Variants in CLMP observed in about 807,000 individuals in gnomAD.
CLMP encodes CXADR-like membrane protein.
CLMP carries 27 observed loss-of-function variants against 45.2 expected under a neutral mutation model. The ratio of observed to expected loss-of-function variants is 0.60; its 90% confidence interval spans 0.44 to 0.82. CLMP has a LOEUF of 0.82. Among genes scored for constraint, CLMP ranks in the 40% least tolerant of loss-of-function variants. CLMP has a pLI of 0.00. For synonymous variants in CLMP, 167 were observed against 171.4 expected (o/e 0.97, Z 0.20); for missense variants, 403 against 448.4 (o/e 0.90, Z 0.91).
chr11:123,156,047 A>G (rs1350678123), intron 1 of CLMP, among the ~76,000 whole-genome samples: 1 of 152,160 alleles, frequency 6.6e-6, no homozygotes, highest in African/African-American at 2.4e-5. Flanking sequence ...ATGTGGCTAT[A>G]TTTGGAGATG....
intron 1 of CLMP, among the ~76,000 whole-genome samples, chr11:123,194,631 TC>T (rs1861954132): frequency 6.6e-6 from 1 of 152,152 alleles, no homozygotes; most frequent in African/African-American, 2.4e-5. Context: ...TCTCCACTTT[TC>T]CCAGATACAC....
chr11:123,118,939 TTC>T (rs1424893892), intron 1 of CLMP, among the ~76,000 whole-genome samples: 6 of 14,418 alleles, frequency 4.2e-4, no homozygotes, highest in South Asian at 6.6e-3. Context: ...TTTTCTTTCT[TTC>T]TTTCTTTCTT....
At chr11:123,078,294 C>G (rs562252013) in intron 5 of CLMP, among the ~76,000 whole-genome samples, 1 of 151,976 alleles carries the variant, frequency 6.6e-6, no homozygotes, top group African/African-American at 2.4e-5. Context: ...CATACTCTAG[C>G]TATAAGCAAC....
At chr11:123,105,484 G>T (rs1860530939) in intron 1 of CLMP, among the ~76,000 whole-genome samples, 1 of 150,242 alleles carries the variant, frequency 6.7e-6, no homozygotes, top group South Asian at 2.1e-4. Context: ...AGGCTGGAGT[G>T]CAGTGGCACA....
intron 1 of CLMP, among the ~76,000 whole-genome samples, chr11:123,150,480 A>AAAGGAAGAAAGG (rs1861308107): frequency 2.4e-5 from 1 of 40,962 alleles, no homozygotes; most frequent in Admixed American, 2.7e-4. Context: ...AGAAAGAAAG[A>AAAGGAAGAAAGG]AAGGAAGGAA....
rs59307398 is a variant in CLMP, at chr11:123,152,523, AAAATAAAT to A, written c.28+42382_28+42389del. 5.4e-3 allele frequency among the ~76,000 whole-genome samples: 776 copies of A among 142,786 alleles called. 7 individuals are homozygous for A. The highest frequency in any genetic ancestry group is 0.05 in the East Asian group (248 of 5,002). The allele number at this position is 142,786 out of a possible 152,430, so 93.7% of individuals were successfully genotyped here. ...GGATGACAGAGTGAGACTCCATCTCAAAATAAATAAATAAATAAATAAATAAATAAATA... is the reference window on the plus strand; with the variant it reads ...GGATGACAGAGTGAGACTCCATCTCAAAATAAATAAATAAATAAATAAATA... On this transcript the variant is annotated intron_variant, in intron 1 of 6. Transcript: ENST00000448775.
chr11:123,157,289 T>A (rs965045471), intron 1 of CLMP, among the ~76,000 whole-genome samples: 4 of 152,042 alleles, frequency 2.6e-5, no homozygotes, highest in Non-Finnish European at 5.9e-5. Flanking sequence ...GCGTGGTGGC[T>A]TATGCCTGTA....
chr11:123,160,862 C>T (rs998728477), intron 1 of CLMP, among the ~76,000 whole-genome samples: 1 of 151,726 alleles, frequency 6.6e-6, no homozygotes, highest in Non-Finnish European at 1.5e-5. Context: ...CCTGTAATCC[C>T]AGCTACTCAG....
chr11:123,175,686 T>C (rs1438315990), intron 1 of CLMP, among the ~76,000 whole-genome samples: 3 of 152,222 alleles, frequency 2.0e-5, no homozygotes, highest in Non-Finnish European at 1.5e-5. Context: ...GCTCAATTAT[T>C]ATTTATTTGA....
At position 123,085,769 on chromosome 11, in the gene CLMP, G is replaced by GT. The variant is rs200240564; in HGVS notation, c.187-1057dup. Among the ~76,000 whole-genome samples the GT allele has an allele frequency of 3.3e-3, 442 of 134,180 alleles. 1 individual carries two copies. Among genetic ancestry groups the GT allele is most frequent in the East Asian group, 7.9e-3 (36 of 4,580 alleles). 88.0% of individuals were successfully genotyped at this position (134,180 alleles called of 152,430 possible). A position where few individuals can be genotyped will look rare whatever the true frequency, so the allele number is the denominator to read the frequency against. On this transcript the variant is annotated intron_variant, in intron 2 of 6. Transcript: ENST00000448775. ...TCACTAAGCCGAACTAATTTTTTAT[G>GT]TTTTTTTTTTTTTGTTTTTTTTTTG... is the stretch of plus-strand genomic sequence containing the variant.
chr11:123,162,730 TA>T (rs1269801516), intron 1 of CLMP, among the ~76,000 whole-genome samples: 137 of 143,526 alleles, frequency 9.5e-4, no homozygotes, highest in East Asian at 3.0e-3. Flanking sequence ...ACATTGTCTC[TA>T]AAAAAAAAAA....
chr11:123,099,519 A>G (rs1866030341), intron 1 of CLMP, among the ~76,000 whole-genome samples: 1 of 152,188 alleles, frequency 6.6e-6, no homozygotes, highest in African/African-American at 2.4e-5. Flanking sequence ...CATCTAGCAT[A>G]GTGTTTAGCA....
At chr11:123,177,144 G>A (rs769506011) in intron 1 of CLMP, among the ~76,000 whole-genome samples, 19 of 152,186 alleles carry the variant, frequency 1.2e-4, no homozygotes, top group Admixed American at 5.9e-4. Context: ...GACAGTCTTA[G>A]GGTAAAGATG....
At chr11:123,164,363 G>A (rs1861527928) in intron 1 of CLMP, among the ~76,000 whole-genome samples, 1 of 152,072 alleles carries the variant, frequency 6.6e-6, no homozygotes, top group Non-Finnish European at 1.5e-5. Context: ...GAGTGCAGTG[G>A]CCCACTCTCA....
At chr11:123,186,407 C>T (rs1015604543) in intron 1 of CLMP, among the ~76,000 whole-genome samples, 5 of 152,134 alleles carry the variant, frequency 3.3e-5, no homozygotes, top group Non-Finnish European at 7.3e-5. Context: ...GAAAAGAAGA[C>T]TCACAGCTGT....
intron 1 of CLMP, among the ~76,000 whole-genome samples, chr11:123,165,600 TC>T (rs1226751749): frequency 1.3e-5 from 2 of 152,088 alleles, no homozygotes; most frequent in Non-Finnish European, 2.9e-5. Flanking sequence ...AAGTACTGAT[TC>T]CCCAGGCCTT....
In CLMP at chr11:123,185,089, G is replaced by A. The variant is rs112303630; in HGVS notation, c.28+9824C>T. The stretch of plus-strand genomic sequence containing the variant: ...GGGAGCTGGTCAGGGTAGAAGTGGT[G>A]AAGAGGTGGCTGGTCACAGGGGATG... On this transcript the variant is annotated intron_variant, in intron 1 of 6. Transcript: ENST00000448775. Among the ~76,000 whole-genome samples the A allele has an allele frequency of 1.2e-3, 184 of 152,300 alleles. 1 individual carries two copies. Among genetic ancestry groups the A allele is most frequent in the African/African-American group, 4.4e-3 (181 of 41,560 alleles).
intron 1 of CLMP, among the ~76,000 whole-genome samples, chr11:123,147,292 C>G (rs139142759): frequency 1.1e-3 from 174 of 152,274 alleles, no homozygotes; most frequent in African/African-American, 3.9e-3. Flanking sequence ...TGAACCGTCA[C>G]ACAATTATCT....
intron 1 of CLMP, among the ~76,000 whole-genome samples, chr11:123,107,062 A>AT (rs556205898): frequency 0.06 from 8,642 of 142,866 alleles, 348 homozygotes; most frequent in African/African-American, 0.098. Flanking sequence ...TACTTGCTGC[A>AT]TTTTTTTTTT....
Sources: allele counts gnomAD v4.1 joint callset (sites outside exome capture counted in the v4.1 genomes callset), GRCh38; gene constraint gnomAD v4.1.1; transcripts MANE v1.5; gene names NCBI Gene and HGNC (gene_info 2026-07-23, HGNC 2026-07-21).